Variants in CATSPER4 observed in about 807,000 individuals in gnomAD.
CATSPER4 encodes the protein cation channel sperm-associated protein 4.
Under a neutral mutation model 54.4 loss-of-function variants are expected in CATSPER4, and 46 were observed. That is an observed-to-expected ratio of 0.84 (90% CI 0.67 to 1.08). The LOEUF (loss-of-function observed/expected upper bound fraction) is 1.08, where lower values mean the gene tolerates loss of function less well. CATSPER4 is among the 50% of genes least tolerant of loss of function. The probability of loss-of-function intolerance (pLI) is 0.00; values close to 1 mark genes in which losing one functional copy is unlikely to be tolerated. For missense variants in CATSPER4, 574 were observed against 612.8 expected (o/e 0.94, Z 0.67); for synonymous variants, 230 against 231.9 (o/e 0.99, Z 0.08).
In CATSPER4 at chr1:26,197,779, C is replaced by G. The variant is rs2088958775; in HGVS notation, c.553C>G (p.Leu185Val). Residue 185 changes from leucine (L) to valine (V), a missense_variant, in exon 4 of 10, where the codon CTC becomes GTC. Coordinates refer to ENST00000456354, the MANE Select transcript of CATSPER4 (RefSeq NM_198137.2). Reference protein sequence around the residue: ...EINIPSINYTLRALRLVHVCM... With the variant: ...EINIPSINYTVRALRLVHVCM... ...CAATATTCCCTCCATCAACTACACT[C>G]TCAGGTGAGCGGGGAGCTCTGGAGA... 6.2e-7 allele frequency: 1 copy of G among 1,612,588 alleles called. No individual in the cohort carries two copies.
At position 26,202,417 on chromosome 1, in the gene CATSPER4, G is replaced by A. The variant is rs182766646; in HGVS notation, c.1366-72G>A. On this transcript the variant is annotated intron_variant, in intron 9 of 9. Transcript: ENST00000456354. ...CTGGCTGGGGAAGCTGGTGAGACTG[G>A]AGGAGGTGAGTAACGGAGGCTGCCA... 2.6e-4 allele frequency: 349 copies of A among 1,354,268 alleles called. 1 individual carries two copies. In the African/African-American group the frequency reaches 3.8e-3, roughly 15 times the overall value. 83.9% of individuals were successfully genotyped at this position (1,354,268 alleles called of 1,614,324 possible).
rs906805178 is a variant in CATSPER4, at chr1:26,193,667, G to A, written c.358-120G>A. ...TAAAGGAAGTGACAAGGTTGCTGAGGACCAAGAGCAGCAGTGATACGGGAC... is the reference window on the plus strand; with the variant it reads ...TAAAGGAAGTGACAAGGTTGCTGAGAACCAAGAGCAGCAGTGATACGGGAC... On this transcript the variant is annotated intron_variant, in intron 2 of 9. Coordinates refer to ENST00000456354, the MANE Select transcript of CATSPER4 (RefSeq NM_198137.2). The A allele has an allele frequency of 4.0e-6, 3 of 755,088 alleles. No homozygotes were observed. The East Asian group carries it at 7.5e-5, about 19-fold the overall frequency. The allele number at this position is 755,088 out of a possible 1,614,324, so 46.8% of individuals were successfully genotyped here.
Position 26,202,524 on chromosome 1 carries a change from A to T in CATSPER4, c.1401A>T (p.Lys467Asn). Reference protein sequence around the residue: ...HDSSSQILLKKHKSSH With the variant: ...HDSSSQILLKNHKSSH ...CTAGCTCACAAATACTCCTTAAAAAACACAAGAGCAGCCACTGAGAGGCCA... is the reference window on the plus strand; with the variant it reads ...CTAGCTCACAAATACTCCTTAAAAATCACAAGAGCAGCCACTGAGAGGCCA... The change falls in exon 10 of 10, where the codon AAA (lysine) becomes AAT (asparagine). Residue 467 changes from lysine (K) to asparagine (N), a missense_variant. By Grantham distance (94) the Lys-to-Asn change is moderately conservative (BLOSUM62 0). Coordinates refer to ENST00000456354, the MANE Select transcript of CATSPER4 (RefSeq NM_198137.2). The T allele has an allele frequency of 6.2e-7, 1 of 1,611,084 alleles. No homozygotes were observed. The highest frequency in any genetic ancestry group is 8.5e-7 in the Non-Finnish European group (1 of 1,178,686).
At chr1:26,191,922 C>T (rs2088873378) in intron 2 of CATSPER4, among the ~76,000 whole-genome samples, 1 of 151,976 alleles carries the variant, frequency 6.6e-6, no homozygotes, top group Admixed American at 6.6e-5. Flanking sequence ...GAGCTGGCTT[C>T]CTGGAGAAAG....
chr1:26,195,592 C>T (rs180939881), intron 3 of CATSPER4, among the ~76,000 whole-genome samples: 351 of 151,912 alleles, frequency 2.3e-3, no homozygotes, highest in African/African-American at 7.4e-3. Context: ...GCTCTGCCTC[C>T]CCGGGTTCAC....
chr1:26,193,986 ATG>A (rs144133210), intron 3 of CATSPER4, 98 bp downstream of exon 3: 687 of 825,726 alleles, frequency 8.3e-4, no homozygotes, highest in Non-Finnish European at 9.9e-4. Flanking sequence ...GGGTGTGAGT[ATG>A]TGTGTGTGTG....
Position 26,200,860 on chromosome 1 carries a change from C to T in CATSPER4, c.1018C>T (p.Gln340Ter), listed in dbSNP as rs2124530004. 1 of 1,614,128 alleles carries T rather than the reference C, an allele frequency of 6.2e-7. No individual in the cohort carries two copies. Among genetic ancestry groups the T allele is most frequent in the Non-Finnish European group, 8.5e-7 (1 of 1,179,970 alleles). ...CGCAGAGGAAGAGGAGGAGAATGACCAGCTGCCACTGGTGCATTGTGTGGT... is the reference window on the plus strand; with the variant it reads ...CGCAGAGGAAGAGGAGGAGAATGACTAGCTGCCACTGGTGCATTGTGTGGT... ...TGAEEEEEND[Q>*]LPLVHCVVAR... Residue 340 changes from glutamine to a stop codon, truncating the protein, a stop_gained, in exon 8 of 10, where the codon CAG (glutamine) becomes TAG (stop). Transcript: ENST00000456354. LOFTEE classifies it high-confidence loss of function.
chr1:26,201,843 CT>C (rs950708930), intron 9 of CATSPER4, among the ~76,000 whole-genome samples: 11 of 152,220 alleles, frequency 7.2e-5, no homozygotes, highest in Non-Finnish European at 1.5e-4. Context: ...GTGCTTGTCA[CT>C]GCACCTGGCT....
intron 6 of CATSPER4, 44 bp downstream of exon 6, chr1:26,198,463 A>C: frequency 6.2e-7 from 1 of 1,612,526 alleles, no homozygotes; most frequent in Admixed American, 1.7e-5. Flanking sequence ...CCTATGGGGC[A>C]GGGTAGCCGG....
chr1:26,192,769 C>T (rs2088886413), intron 2 of CATSPER4, among the ~76,000 whole-genome samples: 1 of 151,730 alleles, frequency 6.6e-6, no homozygotes, highest in African/African-American at 2.4e-5. Flanking sequence ...GTGTGGATGT[C>T]CTATTGTCTC....
At chr1:26,198,514 T>G (rs2088970816) in intron 6 of CATSPER4, 95 bp downstream of exon 6, 1 of 1,528,206 alleles carries the variant, frequency 6.5e-7, no homozygotes, top group Admixed American at 1.7e-5. Flanking sequence ...GGGATTGGGA[T>G]GAGGATGGCC....
At chr1:26,193,139 T>G (rs2088891476) in intron 2 of CATSPER4, among the ~76,000 whole-genome samples, 1 of 151,040 alleles carries the variant, frequency 6.6e-6, no homozygotes, top group East Asian at 2.0e-4. Flanking sequence ...CTATGGGGGC[T>G]GTTAGTGGGG....
At chr1:26,194,701 T>C (rs2124524407) in intron 3 of CATSPER4, among the ~76,000 whole-genome samples, 1 of 152,234 alleles carries the variant, frequency 6.6e-6, no homozygotes, top group East Asian at 1.9e-4. Flanking sequence ...TATCTCCTTG[T>C]GTATGTGAAG....
Position 26,198,393 on chromosome 1 carries a change from C to T in CATSPER4, c.786C>T (p.Gly262=), listed in dbSNP as rs2088967997. 1 of 1,614,178 alleles carries T rather than the reference C, an allele frequency of 6.2e-7. No homozygotes were observed. The highest frequency in any genetic ancestry group is 8.5e-7 in the Non-Finnish European group (1 of 1,180,044). ...YTLFICITQD[G]WVDIYSDFQT... ...TCTTCATCTGCATCACCCAGGACGG[C>T]TGGGTGGACATCTACAGTGACTTCC... Residue 262 remains glycine (G), a synonymous_variant, in exon 6 of 10, where the codon GGC becomes GGT. Coordinates refer to ENST00000456354, the MANE Select transcript of CATSPER4 (RefSeq NM_198137.2).
In CATSPER4 at chr1:26,202,699, T is replaced by G. The variant is rs1569914533; in HGVS notation, c.*157T>G. ...CTGTGAAGGTGGCAGCACCTGCAGG[T>G]CTGGTGCCTGTGAGCCCCAGGTCCG... On this transcript the variant is annotated 3_prime_UTR_variant, in exon 10 of 10. Coordinates refer to ENST00000456354, the MANE Select transcript of CATSPER4 (RefSeq NM_198137.2). 4.2e-6 allele frequency: 3 copies of G among 707,282 alleles called. No individual in the cohort carries two copies. The highest frequency in any genetic ancestry group is 2.5e-6 in the Non-Finnish European group (1 of 396,976). The allele number at this position is 707,282 out of a possible 1,614,324, so 43.8% of individuals were successfully genotyped here. A position where few individuals can be genotyped will look rare whatever the true frequency, so the allele number is the denominator to read the frequency against.
In CATSPER4 at chr1:26,191,270, G is replaced by A. The variant is rs1329062858; in HGVS notation, c.214-17G>A. 1 of 1,613,790 alleles carries A rather than the reference G, an allele frequency of 6.2e-7. No homozygotes were observed. The highest frequency in any genetic ancestry group is 8.5e-7 in the Non-Finnish European group (1 of 1,179,938). Reference sequence around the variant, plus strand: ...TATGGTGACACCTGCCTGAAGGAAGGTCCTGCCCTCTTCCAGGACGCCTGG... The same window carrying A: ...TATGGTGACACCTGCCTGAAGGAAGATCCTGCCCTCTTCCAGGACGCCTGG... On this transcript the variant is annotated splice_polypyrimidine_tract_variant and intron_variant, in intron 1 of 9. Transcript: ENST00000456354.
intron 9 of CATSPER4, among the ~76,000 whole-genome samples, chr1:26,202,080 G>A (rs1235102623): frequency 3.3e-5 from 5 of 152,156 alleles, no homozygotes; most frequent in Non-Finnish European, 5.9e-5. Flanking sequence ...CACCCTTCCT[G>A]CCAGTTTCAT....
intron 3 of CATSPER4, among the ~76,000 whole-genome samples, chr1:26,195,794 G>A (rs963969603): frequency 5.3e-5 from 8 of 152,046 alleles, no homozygotes; most frequent in Middle Eastern, 6.8e-3. Flanking sequence ...AAGCCACCGC[G>A]CCCGGCCTAT....
intron 2 of CATSPER4, among the ~76,000 whole-genome samples, chr1:26,192,694 T>C (rs2088885774): frequency 6.6e-6 from 1 of 152,076 alleles, no homozygotes; most frequent in Non-Finnish European, 1.5e-5. Flanking sequence ...CCCAAAGTGC[T>C]GAGATTATAG....
Sources: allele counts gnomAD v4.1 joint callset (sites outside exome capture counted in the v4.1 genomes callset), GRCh38; gene constraint gnomAD v4.1.1; transcripts MANE v1.5; gene names NCBI Gene and HGNC (gene_info 2026-07-23, HGNC 2026-07-21).